Variants in TNFRSF10A observed in about 807,000 individuals in gnomAD.
TNFRSF10A encodes tumor necrosis factor receptor superfamily member 10A.
In TNFRSF10A, 44 loss-of-function variants were observed where a neutral mutation model predicts 42.8. The observed-to-expected ratio is 1.03, with a 90% CI of 0.81 to 1.32. The LOEUF (loss-of-function observed/expected upper bound fraction) is 1.32. Among genes scored for constraint, TNFRSF10A ranks in the 40% most tolerant of loss-of-function variants. TNFRSF10A has a pLI of 0.00. For missense variants in TNFRSF10A, 680 were observed against 602.0 expected (o/e 1.13, Z -1.36); for synonymous variants, 259 against 234.2 (o/e 1.11, Z -0.97).
chr8:23,221,692 C>T (rs754974693), intron 1 of TNFRSF10A, among the ~76,000 whole-genome samples: 17 of 152,296 alleles, frequency 1.1e-4, no homozygotes, highest in East Asian at 9.7e-4. Flanking sequence ...CCCTCCCCAA[C>T]GGTCTAATCT....
chr8:23,205,711 C>CT (rs35059862), intron 2 of TNFRSF10A, among the ~76,000 whole-genome samples: 18,891 of 130,634 alleles, frequency 0.14, 1,749 homozygotes, highest in Middle Eastern at 0.25. Flanking sequence ...GTCTGTGTTT[C>CT]TTTTTTTTTT....
rs773398530 is a variant in TNFRSF10A, at chr8:23,200,770, C to T, written c.630-10G>A. 6.6e-7 allele frequency: 1 copy of T among 1,509,210 alleles called. No homozygotes were observed. The highest frequency in any genetic ancestry group is 2.3e-5 in the East Asian group (1 of 44,108). The allele number at this position is 1,509,210 out of a possible 1,614,324, so 93.5% of individuals were successfully genotyped here. ...CATCCCTCTGGGGCACCTGGGTACA[C>T]ACAGGGAGGGAGGGGGGGGACTCTT... is the stretch of plus-strand genomic sequence containing the variant. On this transcript the variant is annotated splice_polypyrimidine_tract_variant and intron_variant, in intron 4 of 9. Coordinates refer to ENST00000221132, the MANE Select transcript of TNFRSF10A (RefSeq NM_003844.4).
At chr8:23,205,883 AT>A (rs1563381441) in intron 2 of TNFRSF10A, among the ~76,000 whole-genome samples, 1 of 151,768 alleles carries the variant, frequency 6.6e-6, no homozygotes, top group Non-Finnish European at 1.5e-5. Context: ...TGCCCAGCTA[AT>A]TTTTTGTATT....
rs753973182 is a variant in TNFRSF10A at position 23,199,352 on chromosome 8, CG to C, written c.927del (p.Phe309LeufsTer15). On this transcript the variant is annotated frameshift_variant, in exon 8 of 10. Transcript: ENST00000221132. LOFTEE classifies it high-confidence loss of function. Reference sequence around the variant, plus strand: ...TGGCTTTCCATTTGCTGCTCAGAGACGAAAGTGGACAGCGAGTCTGCGTTGC... The same window carrying C: ...TGGCTTTCCATTTGCTGCTCAGAGACAAAGTGGACAGCGAGTCTGCGTTGC... ...ILSNADSLST[F>X]VSEQQMESQE... The C allele has an allele frequency of 6.2e-6, 10 of 1,614,198 alleles. No individual in the cohort carries two copies. Among genetic ancestry groups the C allele is most frequent in the Non-Finnish European group, 8.5e-6 (10 of 1,180,028 alleles).
intron 1 of TNFRSF10A, 58 bp from the exon 2 acceptor site, chr8:23,212,270 A>T: frequency 6.9e-7 from 1 of 1,445,238 alleles, no homozygotes; most frequent in Non-Finnish European, 9.7e-7. Context: ...CCATTACAAG[A>T]TCAATCTCAC....
chr8:23,193,517 CTG>C (rs1480251894), intron 9 of TNFRSF10A, among the ~76,000 whole-genome samples: 29 of 152,200 alleles, frequency 1.9e-4, no homozygotes, highest in Admixed American at 1.9e-3. Context: ...GCCCAAGTGA[CTG>C]TGAGAGGGAA....
At chr8:23,219,101 T>C (rs1323983176) in intron 1 of TNFRSF10A, among the ~76,000 whole-genome samples, 1 of 150,112 alleles carries the variant, frequency 6.7e-6, no homozygotes, top group Admixed American at 6.7e-5. Context: ...AGGTGGGGGG[T>C]GGGGGAGGTG....
chr8:23,225,052 G>T lies in TNFRSF10A; in HGVS notation c.10C>A (p.Pro4Thr). The T allele has an allele frequency of 6.5e-7, 1 of 1,527,694 alleles. No homozygotes were observed. Among genetic ancestry groups the T allele is most frequent in the Non-Finnish European group, 8.8e-7 (1 of 1,137,586 alleles). The allele number at this position is 1,527,694 out of a possible 1,614,324, so 94.6% of individuals were successfully genotyped here. A position where few individuals can be genotyped will look rare whatever the true frequency, so the allele number is the denominator to read the frequency against. Residue 4 changes from proline to threonine, a missense_variant, in exon 1 of 10, where the codon CCA becomes ACA. Transcript: ENST00000221132. MAP[P>T]PARVHLGAFL... ...GCACCTAGATGTACTCTAGCTGGTG[G>T]TGGCGCCATCCTGCCAGGTCAATCC... is the stretch of plus-strand genomic sequence containing the variant.
At chr8:23,210,631 G>A (rs904613394) in intron 2 of TNFRSF10A, among the ~76,000 whole-genome samples, 6 of 152,110 alleles carry the variant, frequency 3.9e-5, no homozygotes, top group African/African-American at 1.2e-4. Context: ...GCAGTGAGCC[G>A]AGATCGCGCC....
At position 23,199,273 on chromosome 8, in the gene TNFRSF10A, C is replaced by T. The variant is rs1269304757; in HGVS notation, c.1007G>A (p.Cys336Tyr). 6.2e-7 allele frequency: 1 copy of T among 1,612,566 alleles called. No homozygotes were observed. Among genetic ancestry groups the T allele is most frequent in the Admixed American group, 1.7e-5 (1 of 59,990 alleles). ...GGCCTGTCCCCAACTCACCAGCAGA[C>T]ACTGTGCCTCCCCTGGGGACTGTAC... Reference protein sequence around the residue: ...VTVQSPGEAQCLLGPAEAEGS... With the variant: ...VTVQSPGEAQYLLGPAEAEGS... The change falls in exon 8 of 10, where the codon TGT becomes TAT. Residue 336 changes from cysteine (C) to tyrosine (Y), a missense_variant. By Grantham distance (194) the Cys-to-Tyr change is radical. Coordinates refer to ENST00000221132, the MANE Select transcript of TNFRSF10A (RefSeq NM_003844.4).
chr8:23,224,973 G>A lies in TNFRSF10A; in HGVS notation c.89C>T (p.Ala30Val). ...PGSAASGTEA[A>V]AATPSKVWGS... ...CCACACTTTGCTGGGTGTGGCCGCG[G>A]CTGCCTCTGTCCCACTCGCTGCGCT... The change falls in exon 1 of 10, where the codon GCC becomes GTC. Residue 30 changes from alanine to valine, a missense_variant. Transcript: ENST00000221132. The A allele has an allele frequency of 1.2e-6, 2 of 1,600,178 alleles. No homozygotes were observed. Among genetic ancestry groups the A allele is most frequent in the Non-Finnish European group, 1.7e-6 (2 of 1,173,394 alleles).
rs188488446 is a variant in TNFRSF10A at position 23,216,249 on chromosome 8, T to C, written c.307-4037A>G. Among the ~76,000 whole-genome samples the C allele has an allele frequency of 3.1e-3, 465 of 152,354 alleles. 4 individuals carry two copies. Among genetic ancestry groups the C allele is most frequent in the Non-Finnish European group, 4.2e-3 (289 of 68,030 alleles). ...TTTCCTTGTCATGTTGTTACTACCT[T>C]TGAGTTTAATTTATACTTATTTTAC... On this transcript the variant is annotated intron_variant, in intron 1 of 9. Transcript: ENST00000221132.
At position 23,212,309 on chromosome 8, in the gene TNFRSF10A, G is replaced by A. The variant is rs943900015; in HGVS notation, c.307-97C>T. 8.7e-6 allele frequency: 9 copies of A among 1,033,486 alleles called. No homozygotes were observed. In the African/African-American group the frequency reaches 1.1e-4, roughly 13 times the overall value. The allele number at this position is 1,033,486 out of a possible 1,614,324, so 64.0% of individuals were successfully genotyped here. ...CCATTCCCCCAAGCCTCCAAAATTAGACAGAACTTGCATCTTTCTCCCAGT... is the reference window on the plus strand; with the variant it reads ...CCATTCCCCCAAGCCTCCAAAATTAAACAGAACTTGCATCTTTCTCCCAGT... On this transcript the variant is annotated intron_variant, in intron 1 of 9. Coordinates refer to ENST00000221132, the MANE Select transcript of TNFRSF10A (RefSeq NM_003844.4).
At chr8:23,216,271 T>C (rs1308125647) in intron 1 of TNFRSF10A, among the ~76,000 whole-genome samples, 1 of 152,212 alleles carries the variant, frequency 6.6e-6, no homozygotes, top group Non-Finnish European at 1.5e-5. Flanking sequence ...TATACTTATT[T>C]TACGGGTAAG....
intron 9 of TNFRSF10A, among the ~76,000 whole-genome samples, chr8:23,196,304 C>T (rs1386544892): frequency 2.6e-5 from 4 of 152,122 alleles, no homozygotes; most frequent in Non-Finnish European, 5.9e-5. Context: ...TGCCATTCTC[C>T]TGCCTCAGCC....
At chr8:23,201,048 T>C (rs1237712001) in intron 4 of TNFRSF10A, among the ~76,000 whole-genome samples, 2 of 152,202 alleles carry the variant, frequency 1.3e-5, no homozygotes, top group Admixed American at 1.3e-4. Flanking sequence ...AGGGGAGGCC[T>C]GCGTTAGGAG....
At chr8:23,205,082 A>G (rs1800985871) in intron 2 of TNFRSF10A, among the ~76,000 whole-genome samples, 1 of 152,150 alleles carries the variant, frequency 6.6e-6, no homozygotes, top group South Asian at 2.1e-4. Flanking sequence ...TAGAGCAGAA[A>G]TTAATGAGAC....
Position 23,191,821 on chromosome 8 carries a change from G to C in TNFRSF10A, c.1280C>G (p.Thr427Ser). The C allele has an allele frequency of 6.2e-7, 1 of 1,614,032 alleles. No individual in the cohort carries two copies. The highest frequency in any genetic ancestry group is 8.5e-7 in the Non-Finnish European group (1 of 1,179,996). Residue 427 changes from threonine to serine, a missense_variant, in exon 10 of 10, where the codon ACC becomes AGC. By Grantham distance (58) the Thr-to-Ser change is moderately conservative. Transcript: ENST00000221132. ...NKTGRNASIHTLLDALERMEE... is the reference protein window; with the variant it reads ...NKTGRNASIHSLLDALERMEE... The stretch of plus-strand genomic sequence containing the variant: ...CATCCTCTCCAAGGCATCCAGCAGG[G>C]TGTGGATCGAGGCGTTCCGTCCAGT...
rs1801092414 is a variant in TNFRSF10A, at chr8:23,211,592, T to C, written c.403+524A>G. ...AAAAAGCCCAGCATAAACAAAATAA[T>C]TCTGGAAAAGGAAAACAAAAAAGAA... On this transcript the variant is annotated intron_variant, in intron 2 of 9. Coordinates refer to ENST00000221132, the MANE Select transcript of TNFRSF10A (RefSeq NM_003844.4). 3.9e-5 allele frequency among the ~76,000 whole-genome samples: 6 copies of C among 152,180 alleles called. No individual in the cohort carries two copies. The South Asian group carries it at 1.2e-3, about 32-fold the overall frequency.
Sources: gnomAD v4.1 joint callset for allele counts (sites outside exome capture counted in the v4.1 genomes callset) on GRCh38, gnomAD v4.1.1 for gene constraint, MANE v1.5 for transcripts, NCBI Gene and HGNC (gene_info 2026-07-23, HGNC 2026-07-21) for gene names.